FAM135B: variants seen among roughly 807,000 people sequenced by gnomAD.
FAM135B encodes the protein protein FAM135B.
A neutral mutation model predicts 127.7 loss-of-function variants in FAM135B; 43 were observed. The observed-to-expected ratio is 0.34, with a 90% CI of 0.26 to 0.43. The LOEUF (loss-of-function observed/expected upper bound fraction) is 0.43, where lower values mean the gene tolerates loss of function less well. Among genes scored for constraint, FAM135B ranks in the 20% least tolerant of loss-of-function variants. The pLI, the probability that FAM135B is intolerant of heterozygous loss-of-function variation, is 1.00. For synonymous variants in FAM135B, 670 were observed against 665.1 expected, an observed-to-expected ratio of 1.01 and a Z score of -0.11; for missense variants, 1,558 against 1,725.6, an observed-to-expected ratio of 0.90 and a Z score of 1.72.
intron 3 of FAM135B, among the ~76,000 whole-genome samples, chr8:138,299,092 T>TAAAA: frequency 6.8e-6 from 1 of 148,002 alleles, no homozygotes; most frequent in Non-Finnish European, 1.5e-5. Flanking sequence ...AATAAATAAA[T>TAAAA]AAATAAATAA....
intron 3 of FAM135B, among the ~76,000 whole-genome samples, chr8:138,300,630 A>G (rs559750339): frequency 1.6e-4 from 24 of 152,252 alleles, no homozygotes; most frequent in African/African-American, 5.1e-4. Context: ...CATTAGTATC[A>G]ACCTATTAGC....
At chr8:138,180,416 G>A (rs941394411) in intron 9 of FAM135B, among the ~76,000 whole-genome samples, 1 of 152,178 alleles carries the variant, frequency 6.6e-6, no homozygotes, top group Non-Finnish European at 1.5e-5. Context: ...CACAGCCATA[G>A]CCACATCCAA....
At chr8:138,260,848 T>C (rs11989413) in intron 4 of FAM135B, among the ~76,000 whole-genome samples, 45,126 of 151,824 alleles carry the variant, frequency 0.3, 7,017 homozygotes, top group East Asian at 0.47. Context: ...GTCTCCTCCT[T>C]CTGTCCTGAA....
intron 1 of FAM135B, among the ~76,000 whole-genome samples, chr8:138,420,228 G>A (rs1305711371): frequency 6.6e-6 from 1 of 151,852 alleles, no homozygotes; most frequent in Non-Finnish European, 1.5e-5. Context: ...ACACCTCTAT[G>A]CATGCAAACT....
chr8:138,362,416 T>C (rs1294754962), intron 2 of FAM135B, among the ~76,000 whole-genome samples: 1 of 152,036 alleles, frequency 6.6e-6, no homozygotes, highest in Non-Finnish European at 1.5e-5. Context: ...CTGACAGCCA[T>C]TGGTTGAGTG....
intron 12 of FAM135B, among the ~76,000 whole-genome samples, chr8:138,164,269 G>T (rs1057154553): frequency 6.6e-6 from 1 of 152,118 alleles, no homozygotes; most frequent in Non-Finnish European, 1.5e-5. Flanking sequence ...TAGTCTGAGG[G>T]ATAGAGAAGG....
intron 5 of FAM135B, 149 bp from the exon 6 acceptor site, chr8:138,251,163 A>AT (rs1186939369): frequency 5.4e-6 from 5 of 927,168 alleles, no homozygotes; most frequent in Non-Finnish European, 8.0e-6. Flanking sequence ...GGTAGAAATC[A>AT]TTTTTCCCAC....
chr8:138,402,748 C>A (rs1259288489), intron 1 of FAM135B, among the ~76,000 whole-genome samples: 6 of 152,124 alleles, frequency 3.9e-5, no homozygotes, highest in Non-Finnish European at 7.3e-5. Flanking sequence ...CATCCCAGTG[C>A]AAAAGTGAAT....
At chr8:138,485,063 T>C (rs1307420775) in intron 1 of FAM135B, among the ~76,000 whole-genome samples, 1 of 152,248 alleles carries the variant, frequency 6.6e-6, no homozygotes, top group East Asian at 1.9e-4. Context: ...CTCCAGAAAT[T>C]AATTTTCCAG....
At chr8:138,260,305 A>T (rs1283920565) in intron 4 of FAM135B, among the ~76,000 whole-genome samples, 1 of 152,144 alleles carries the variant, frequency 6.6e-6, no homozygotes, top group Non-Finnish European at 1.5e-5. Flanking sequence ...CTCAGCTTGG[A>T]GCCTGTAAGC....
chr8:138,232,060 A>C (rs1819943258), intron 7 of FAM135B, among the ~76,000 whole-genome samples: 1 of 152,242 alleles, frequency 6.6e-6, no homozygotes, highest in Admixed American at 6.5e-5. Flanking sequence ...TGAATGGTTA[A>C]ACGGCTCACT....
chr8:138,366,091 A>C (rs1830712894), intron 2 of FAM135B, among the ~76,000 whole-genome samples: 1 of 152,166 alleles, frequency 6.6e-6, no homozygotes, highest in South Asian at 2.1e-4. Context: ...AATATAAAAT[A>C]ATACATGATT....
chr8:138,476,246 A>G (rs1031935084), intron 1 of FAM135B, among the ~76,000 whole-genome samples: 1 of 152,220 alleles, frequency 6.6e-6, no homozygotes, highest in African/African-American at 2.4e-5. Flanking sequence ...CAAGATTTTT[A>G]GAGCAGTGAA....
chr8:138,133,044 G>T (rs1816331630), intron 19 of FAM135B, among the ~76,000 whole-genome samples: 1 of 152,224 alleles, frequency 6.6e-6, no homozygotes, highest in Admixed American at 6.5e-5. Flanking sequence ...CCATGCACCG[G>T]AAGTTATGAT....
intron 7 of FAM135B, among the ~76,000 whole-genome samples, chr8:138,223,371 G>C (rs930102480): frequency 2.0e-5 from 3 of 152,212 alleles, no homozygotes; most frequent in Non-Finnish European, 4.4e-5. Context: ...AACTGTAACC[G>C]TTGAAATGAT....
chr8:138,469,670 G>A (rs1232176767), intron 1 of FAM135B, among the ~76,000 whole-genome samples: 2 of 152,172 alleles, frequency 1.3e-5, no homozygotes, highest in Non-Finnish European at 2.9e-5. Flanking sequence ...CTTGAGGCAG[G>A]TGGCATAGCA....
intron 2 of FAM135B, among the ~76,000 whole-genome samples, chr8:138,329,502 A>G (rs937916744): frequency 6.6e-6 from 1 of 152,232 alleles, no homozygotes; most frequent in African/African-American, 2.4e-5. Flanking sequence ...AAAACTGTTC[A>G]GGCAGAACAA....
intron 1 of FAM135B, among the ~76,000 whole-genome samples, chr8:138,368,516 A>G (rs1830910263): frequency 6.6e-6 from 1 of 152,232 alleles, no homozygotes; most frequent in African/African-American, 2.4e-5. Context: ...TGTGTAGTAA[A>G]TACTGAATAA....
At chr8:138,398,439 C>T (rs903459227) in intron 1 of FAM135B, among the ~76,000 whole-genome samples, 1 of 152,212 alleles carries the variant, frequency 6.6e-6, no homozygotes, top group Non-Finnish European at 1.5e-5. Context: ...TCCTTTCCCA[C>T]CCCTGCAGGC....
Sources: allele counts gnomAD v4.1 joint callset (sites outside exome capture counted in the v4.1 genomes callset), GRCh38; gene constraint gnomAD v4.1.1; transcripts MANE v1.5; gene names NCBI Gene and HGNC (gene_info 2026-07-23, HGNC 2026-07-21).